Variants in PTGER3 observed in about 807,000 individuals in gnomAD.
PTGER3 encodes prostaglandin E receptor 3.
A neutral mutation model predicts 34.7 loss-of-function variants in PTGER3; 22 were observed. That is an observed-to-expected ratio of 0.63 (90% CI 0.45 to 0.91). The LOEUF (loss-of-function observed/expected upper bound fraction) is 0.91. Among genes scored for constraint, PTGER3 ranks in the 40% least tolerant of loss-of-function variants. PTGER3 has a pLI of 0.00. For missense variants in PTGER3, 468 were observed against 519.4 expected (o/e 0.90, Z 0.96); for synonymous variants, 241 against 230.1 (o/e 1.05, Z -0.43).
intron 4 of PTGER3, among the ~76,000 whole-genome samples, chr1:70,870,947 T>C (rs1646150289): frequency 6.6e-6 from 1 of 152,224 alleles, no homozygotes; most frequent in African/African-American, 2.4e-5. Flanking sequence ...ATGTCGAAAC[T>C]CTTCTAACAT....
chr1:71,028,136 T>C (rs528397963), intron 1 of PTGER3, among the ~76,000 whole-genome samples: 25 of 152,290 alleles, frequency 1.6e-4, no homozygotes, highest in African/African-American at 6.0e-4. Flanking sequence ...CTGGATCCTA[T>C]GTGCTTCAGG....
chr1:70,989,127 C>A (rs7540384), intron 2 of PTGER3, among the ~76,000 whole-genome samples: 8,659 of 152,104 alleles, frequency 0.057, 443 homozygotes, highest in African/African-American at 0.13. Flanking sequence ...CTCTGCCCTC[C>A]TACCGGGTTT....
At position 71,046,846 on chromosome 1, in the gene PTGER3, G is replaced by T. The variant is rs1451936745; in HGVS notation, c.732C>A (p.Val244=). 2.5e-6 allele frequency: 4 copies of T among 1,613,982 alleles called. No individual in the cohort carries two copies. Among genetic ancestry groups the T allele is most frequent in the Non-Finnish European group, 3.4e-6 (4 of 1,180,050 alleles). Residue 244 remains valine, a synonymous_variant, in exon 1 of 4, where the codon GTC becomes GTA. Coordinates refer to ENST00000306666, the MANE Select transcript of PTGER3 (RefSeq NM_198719.2). ...FAFLGLLALT[V]TFSCNLATIK... is the part of the protein sequence containing the mutation. ...TGGTGGCCAGGTTGCAGGAAAAGGT[G>T]ACTGTCAGCGCCAAGAGCCCCAGGA... is the stretch of plus-strand genomic sequence containing the variant.
At chr1:70,881,718 C>T (rs777226885) in intron 4 of PTGER3, among the ~76,000 whole-genome samples, 2 of 152,168 alleles carry the variant, frequency 1.3e-5, no homozygotes, top group African/African-American at 2.4e-5. Context: ...TTACTGTCTC[C>T]ATGACTGTGT....
intron 1 of PTGER3, among the ~76,000 whole-genome samples, chr1:71,029,242 G>A (rs1244190128): frequency 6.6e-6 from 1 of 151,766 alleles, no homozygotes; most frequent in Non-Finnish European, 1.5e-5. Context: ...GATTTCTTTG[G>A]GCCAGGAAGA....
chr1:70,993,590 T>A (rs959140645), intron 2 of PTGER3, among the ~76,000 whole-genome samples: 2 of 152,196 alleles, frequency 1.3e-5, no homozygotes, highest in Admixed American at 1.3e-4. Context: ...CTGTAGTCTC[T>A]GGAGAGCTCA....
At chr1:70,883,534 A>C (rs1387429904) in intron 4 of PTGER3, among the ~76,000 whole-genome samples, 1 of 152,210 alleles carries the variant, frequency 6.6e-6, no homozygotes, top group East Asian at 1.9e-4. Context: ...ATGAACCTGA[A>C]GTTCTCTTAA....
chr1:70,952,807 C>T, exon 4 of PTGER3: 1 of 1,410,536 alleles, frequency 7.1e-7, no homozygotes, highest in Non-Finnish European at 9.3e-7. Flanking sequence ...TCAATCAACA[C>T]ATGGAAAGTG....
chr1:71,006,380 A>G (rs1216691218), intron 2 of PTGER3: 5 of 985,326 alleles, frequency 5.1e-6, no homozygotes, highest in African/African-American at 1.7e-5. Flanking sequence ...CTCAATAAGT[A>G]CATGAACAAA....
chr1:70,975,006 A>C (rs1039692670), intron 2 of PTGER3, among the ~76,000 whole-genome samples: 2 of 152,146 alleles, frequency 1.3e-5, no homozygotes, highest in Non-Finnish European at 2.9e-5. Context: ...AACTTGGAGA[A>C]TCACTTTCTT....
At chr1:70,946,138 C>T (rs747384248) in intron 4 of PTGER3, among the ~76,000 whole-genome samples, 1 of 152,064 alleles carries the variant, frequency 6.6e-6, no homozygotes, top group Non-Finnish European at 1.5e-5. Flanking sequence ...TCCCTGAGGT[C>T]CCTCACTTGC....
At chr1:70,952,818 C>T in exon 4 of PTGER3, 1 of 1,412,050 alleles carries the variant, frequency 7.1e-7, no homozygotes, top group Non-Finnish European at 9.3e-7. Flanking sequence ...ATGGAAAGTG[C>T]TCAAAATAAG....
At chr1:70,863,009 T>C (rs1016632310) in intron 4 of PTGER3, among the ~76,000 whole-genome samples, 2 of 151,962 alleles carry the variant, frequency 1.3e-5, no homozygotes, top group Non-Finnish European at 1.5e-5. Flanking sequence ...TCGGAGACAC[T>C]TGTAGGATGT....
At chr1:71,005,086 C>A (rs944743910) in intron 2 of PTGER3, among the ~76,000 whole-genome samples, 1 of 152,170 alleles carries the variant, frequency 6.6e-6, no homozygotes, top group African/African-American at 2.4e-5. Flanking sequence ...ATTGTCACAT[C>A]AGAGAGGTAT....
intron 1 of PTGER3, among the ~76,000 whole-genome samples, chr1:71,046,025 G>A (rs542635155): frequency 1.1e-4 from 17 of 151,668 alleles, no homozygotes; most frequent in African/African-American, 4.1e-4. Context: ...CGGGCGCGGT[G>A]GCTCACGCTT....
Position 70,887,997 on chromosome 1 carries a change from A to G in PTGER3, c.*24-35138T>C, listed in dbSNP as rs142155380. ...GACCAGAAAGCAATGAAGCAATAAC[A>G]CTGTTTCTGTCTTTCATTTTGGTGT... On this transcript the variant is annotated intron_variant, in intron 4 of 4. Coordinates refer to the PTGER3 transcript ENST00000370931. 1.5e-3 allele frequency among the ~76,000 whole-genome samples: 226 copies of G among 152,300 alleles called. 3 individuals carry two copies. In the East Asian group the frequency reaches 0.034, roughly 23 times the overall value.
intron 1 of PTGER3, among the ~76,000 whole-genome samples, chr1:71,021,794 T>C (rs1658444825): frequency 1.3e-5 from 2 of 151,840 alleles, no homozygotes; most frequent in Middle Eastern, 3.4e-3. Flanking sequence ...GTCACCTCAA[T>C]ATAAAAATAG....
chr1:70,917,561 G>A (rs1048614959), intron 4 of PTGER3, among the ~76,000 whole-genome samples: 4 of 151,586 alleles, frequency 2.6e-5, no homozygotes, highest in African/African-American at 4.8e-5. Flanking sequence ...ACTTTCTTTG[G>A]ATATATACCC....
intron 4 of PTGER3, among the ~76,000 whole-genome samples, chr1:70,875,137 A>G (rs1646247242): frequency 6.6e-6 from 1 of 152,212 alleles, no homozygotes; most frequent in Non-Finnish European, 1.5e-5. Flanking sequence ...GGTTGCAAAA[A>G]GTCCTTGGAG....
Sources: allele counts gnomAD v4.1 joint callset (sites outside exome capture counted in the v4.1 genomes callset), GRCh38; gene constraint gnomAD v4.1.1; transcripts MANE v1.5; gene names NCBI Gene and HGNC (gene_info 2026-07-23, HGNC 2026-07-21).